DPP10: variants seen among roughly 807,000 people sequenced by gnomAD.
DPP10 encodes the protein dipeptidyl peptidase like 10.
Under a neutral mutation model 120.9 loss-of-function variants are expected in DPP10, and 33 were observed. The ratio of observed to expected loss-of-function variants is 0.27; its 90% confidence interval spans 0.21 to 0.37. The LOEUF is 0.37. DPP10 is among the 10% of genes least tolerant of loss of function. The pLI, the probability that DPP10 is intolerant of heterozygous loss-of-function variation, is 1.00. For synonymous variants in DPP10, 337 were observed against 326.1 expected, an observed-to-expected ratio of 1.03 and a Z score of -0.36; for missense variants, 816 against 942.8, an observed-to-expected ratio of 0.87 and a Z score of 1.76.
intron 1 of DPP10, among the ~76,000 whole-genome samples, chr2:114,743,911 C>T (rs896355445): frequency 2.6e-5 from 4 of 151,360 alleles, no homozygotes; most frequent in African/African-American, 9.7e-5. Context: ...TTGGTCTTGT[C>T]CTCAGGTAGT....
intron 1 of DPP10, among the ~76,000 whole-genome samples, chr2:115,134,974 C>T (rs912073695): frequency 6.6e-6 from 1 of 152,058 alleles, no homozygotes; most frequent in Non-Finnish European, 1.5e-5. Flanking sequence ...TAACAGAACA[C>T]AAGCAATGGC....
intron 1 of DPP10, among the ~76,000 whole-genome samples, chr2:114,498,622 G>C (rs899855204): frequency 6.6e-6 from 1 of 152,156 alleles, no homozygotes; most frequent in African/African-American, 2.4e-5. Flanking sequence ...TTGGTGGAAA[G>C]CAACTGAGCA....
At chr2:114,979,634 A>G (rs959944006) in intron 1 of DPP10, among the ~76,000 whole-genome samples, 3 of 152,104 alleles carry the variant, frequency 2.0e-5, no homozygotes, top group African/African-American at 4.8e-5. Flanking sequence ...CAAAAGCTAT[A>G]CTTTAATCTT....
intron 1 of DPP10, among the ~76,000 whole-genome samples, chr2:115,232,600 G>GA (rs894134589): frequency 1.3e-5 from 2 of 151,962 alleles, no homozygotes; most frequent in Admixed American, 6.6e-5. Context: ...ATAGCCACTG[G>GA]AAAAAAAATT....
chr2:115,776,936 C>G (rs1194541660), intron 13 of DPP10, among the ~76,000 whole-genome samples: 2 of 152,046 alleles, frequency 1.3e-5, no homozygotes, highest in East Asian at 3.9e-4. Context: ...ACCTTGGAAG[C>G]AAATGCTGCC....
At chr2:115,382,399 G>A (rs1193860540) in intron 3 of DPP10, among the ~76,000 whole-genome samples, 4 of 152,206 alleles carry the variant, frequency 2.6e-5, no homozygotes, top group South Asian at 2.1e-4. Flanking sequence ...GTGAGGCAAT[G>A]CCTCGCCCTG....
intron 1 of DPP10, among the ~76,000 whole-genome samples, chr2:114,868,456 A>T (rs1212573846): frequency 6.6e-6 from 1 of 152,134 alleles, no homozygotes; most frequent in East Asian, 1.9e-4. Context: ...GAGTAATTTT[A>T]TTTCCCCATT....
chr2:115,534,379 C>T (rs867721710), intron 5 of DPP10, among the ~76,000 whole-genome samples: 47 of 151,132 alleles, frequency 3.1e-4, no homozygotes, highest in South Asian at 2.3e-3. Context: ...TTTGTTCTTG[C>T]GATAGTTTAC....
chr2:115,469,374 C>G (rs1465020253), intron 3 of DPP10, among the ~76,000 whole-genome samples: 5 of 152,146 alleles, frequency 3.3e-5, no homozygotes, highest in African/African-American at 1.2e-4. Context: ...ACAAAGCTAT[C>G]TGGGAGAGTG....
At chr2:114,609,620 A>T (rs1029276952) in intron 1 of DPP10, among the ~76,000 whole-genome samples, 1 of 150,576 alleles carries the variant, frequency 6.6e-6, no homozygotes, top group African/African-American at 2.4e-5. Flanking sequence ...ACAGAAAGCC[A>T]GGTAAGTTGT....
intron 1 of DPP10, among the ~76,000 whole-genome samples, chr2:114,642,780 C>T (rs1695807349): frequency 6.6e-6 from 1 of 151,872 alleles, no homozygotes. Context: ...ACACAGAAAT[C>T]ATCAACGTAT....
chr2:114,909,825 T>A (rs2049060), intron 1 of DPP10, among the ~76,000 whole-genome samples: 82,725 of 151,696 alleles, frequency 0.55, 23,382 homozygotes, highest in African/African-American at 0.71. Context: ...GACCTGAATG[T>A]GTTTACAGAG....
intron 3 of DPP10, among the ~76,000 whole-genome samples, chr2:115,365,655 G>C (rs1301188917): frequency 1.3e-5 from 2 of 151,972 alleles, no homozygotes; most frequent in Non-Finnish European, 2.9e-5. Flanking sequence ...GTTTTAGAGA[G>C]TCTTCCTTAC....
intron 1 of DPP10, among the ~76,000 whole-genome samples, chr2:114,896,212 T>G (rs1336718734): frequency 6.6e-6 from 1 of 152,188 alleles, no homozygotes; most frequent in East Asian, 1.9e-4. Context: ...GACTTGGCGA[T>G]GCGGGCTCTT....
At chr2:115,011,570 G>T (rs992907372) in intron 1 of DPP10, among the ~76,000 whole-genome samples, 1 of 151,778 alleles carries the variant, frequency 6.6e-6, no homozygotes. Flanking sequence ...GCTTTTTGTT[G>T]TTGTTGTTGT....
chr2:115,488,638 C>A (rs2075897443), intron 3 of DPP10, among the ~76,000 whole-genome samples: 1 of 85,374 alleles, frequency 1.2e-5, no homozygotes. Context: ...GAACAAAAAA[C>A]CAAACACCGC....
intron 5 of DPP10, among the ~76,000 whole-genome samples, chr2:115,637,911 C>G (rs776212155): frequency 1.3e-5 from 2 of 152,120 alleles, no homozygotes; most frequent in Non-Finnish European, 2.9e-5. Flanking sequence ...TGGTATAACT[C>G]AAATATAAGT....
chr2:115,211,240 T>TG (rs1457362492), intron 1 of DPP10, among the ~76,000 whole-genome samples: 16 of 150,004 alleles, frequency 1.1e-4, no homozygotes, highest in Admixed American at 1.1e-3. Context: ...TCTTACTGAT[T>TG]TTTTTTTTTT....
chr2:114,530,395 A>C (rs964575826), intron 1 of DPP10, among the ~76,000 whole-genome samples: 3 of 152,186 alleles, frequency 2.0e-5, no homozygotes, highest in Non-Finnish European at 4.4e-5. Flanking sequence ...AGAGCACTTG[A>C]ATGAGACAGC....
Sources: allele counts gnomAD v4.1 joint callset (sites outside exome capture counted in the v4.1 genomes callset), GRCh38; gene constraint gnomAD v4.1.1; transcripts MANE v1.5; gene names NCBI Gene and HGNC (gene_info 2026-07-23, HGNC 2026-07-21).